ZFP2: variants seen among roughly 807,000 people sequenced by gnomAD.
ZFP2 encodes zinc finger protein ZFP2.
Under a neutral mutation model 36.1 loss-of-function variants are expected in ZFP2, and 33 were observed. That is an observed-to-expected ratio of 0.92 (90% CI 0.69 to 1.22). The LOEUF is 1.22. ZFP2 is among the 50% of genes most tolerant of loss of function. The pLI, the probability that ZFP2 is intolerant of heterozygous loss-of-function variation, is 0.00. For synonymous variants in ZFP2, 170 were observed against 178.0 expected (o/e 0.96, Z 0.36); for missense variants, 522 against 551.4 (o/e 0.95, Z 0.53).
intron 4 of ZFP2, among the ~76,000 whole-genome samples, chr5:178,920,501 G>A (rs1581838722): frequency 1.3e-5 from 2 of 152,208 alleles, no homozygotes; most frequent in East Asian, 3.9e-4. Flanking sequence ...GCCGGGCATG[G>A]TGGCGTGTAC....
Position 178,915,320 on chromosome 5 carries a change from TTC to T in ZFP2, c.-223-1243_-223-1242del, listed in dbSNP as rs1319765698. Reference sequence around the variant, plus strand: ...TGGGTTAGAACCTAAAGGTTTTTCTTTCTTTTTTTTTTTTTTTTTTTTTTTGA... The same window carrying T: ...TGGGTTAGAACCTAAAGGTTTTTCTTTTTTTTTTTTTTTTTTTTTTTTTGA... On this transcript the variant is annotated intron_variant, in intron 3 of 4. Transcript: ENST00000361362. Among the ~76,000 whole-genome samples the T allele has an allele frequency of 6.7e-3, 736 of 109,830 alleles. 37 individuals are homozygous for T. The highest frequency in any genetic ancestry group is 0.044 in the East Asian group (158 of 3,570). The allele number at this position is 109,830 out of a possible 152,430, so 72.1% of individuals were successfully genotyped here.
Position 178,922,197 on chromosome 5 carries a change from G to T in ZFP2, c.-78+5487G>T, listed in dbSNP as rs895145974. The T allele has an allele frequency of 1.1e-5, 12 of 1,108,706 alleles. No homozygotes were observed. The East Asian group carries it at 2.6e-4, about 24-fold the overall frequency. 68.7% of individuals were successfully genotyped at this position (1,108,706 alleles called of 1,614,324 possible). On this transcript the variant is annotated intron_variant, in intron 4 of 4. Coordinates refer to ENST00000361362, the MANE Select transcript of ZFP2 (RefSeq NM_030613.4). ...TTGGAAACACACTTGACATGGTTGT[G>T]CGTCTGTTCTGGTTTTGTAACTGCT... is the stretch of plus-strand genomic sequence containing the variant.
intron 1 of ZFP2, among the ~76,000 whole-genome samples, chr5:178,899,311 A>C (rs950419570): frequency 1.3e-5 from 2 of 152,204 alleles, no homozygotes; most frequent in Admixed American, 6.5e-5. Context: ...CACCTGGCTG[A>C]TTTCATTTAA....
intron 4 of ZFP2, among the ~76,000 whole-genome samples, chr5:178,923,494 A>G (rs1362073201): frequency 2.0e-5 from 3 of 149,698 alleles, no homozygotes; most frequent in Admixed American, 6.7e-5. Flanking sequence ...TACCCAAACT[A>G]ACTTCCCCAT....
At position 178,932,004 on chromosome 5, in the gene ZFP2, G is replaced by T. The variant is rs1335206911; in HGVS notation, c.691G>T (p.Val231Phe). The change falls in exon 5 of 5, where the codon GTT (valine) becomes TTT (phenylalanine). Residue 231 changes from valine to phenylalanine, a missense_variant. Transcript: ENST00000361362. The stretch of plus-strand genomic sequence containing the variant: ...TTTTACCCAAAGCATGAATTTGACA[G>T]TTCATCAGAGAACTCATACAGGAGA... ...KAFTQSMNLT[V>F]HQRTHTGEKP... 3 of 1,613,808 alleles carry T rather than the reference G, an allele frequency of 1.9e-6. No homozygotes were observed. The South Asian group carries it at 3.3e-5, about 18-fold the overall frequency.
chr5:178,914,744 A>G (rs1414407179), intron 3 of ZFP2, among the ~76,000 whole-genome samples: 1 of 152,162 alleles, frequency 6.6e-6, no homozygotes, highest in Non-Finnish European at 1.5e-5. Context: ...AAAATAAAGC[A>G]GCATAAGAGA....
At chr5:178,896,917 G>A (rs1486605321) in intron 1 of ZFP2, among the ~76,000 whole-genome samples, 1 of 152,118 alleles carries the variant, frequency 6.6e-6, no homozygotes, top group Non-Finnish European at 1.5e-5. Flanking sequence ...ATTGGAATAT[G>A]TTGACACCAT....
At chr5:178,909,655 T>A (rs561413938) in intron 1 of ZFP2, 1 of 1,441,426 alleles carries the variant, frequency 6.9e-7, no homozygotes, top group Admixed American at 2.5e-5. Context: ...AATTCCTCAG[T>A]TGGCTGCAGG....
At chr5:178,899,089 T>C (rs545859104) in intron 1 of ZFP2, among the ~76,000 whole-genome samples, 3 of 151,506 alleles carry the variant, frequency 2.0e-5, no homozygotes, top group African/African-American at 4.8e-5. Context: ...GAGAAGTAGG[T>C]AGTGTTTGCC....
intron 1 of ZFP2, chr5:178,910,046 G>A (rs1189047381): frequency 6.8e-7 from 1 of 1,463,928 alleles, no homozygotes; most frequent in South Asian, 1.1e-5. Context: ...CTTCTTCAGA[G>A]TCCAGGCCAA....
At chr5:178,901,996 G>A (rs563435320) in intron 1 of ZFP2, among the ~76,000 whole-genome samples, 91 of 152,122 alleles carry the variant, frequency 6.0e-4, no homozygotes, top group Non-Finnish European at 1.2e-3. Context: ...TGAACCGGGC[G>A]TGGTGGCACA....
chr5:178,914,343 G>A (rs1758372876), intron 3 of ZFP2, among the ~76,000 whole-genome samples: 1 of 152,084 alleles, frequency 6.6e-6, no homozygotes, highest in African/African-American at 2.4e-5. Flanking sequence ...TGGGATTCTG[G>A]GAGAGGAATC....
Position 178,916,608 on chromosome 5 carries a change from T to A in ZFP2, c.-180T>A. 1.0e-6 allele frequency: 1 copy of A among 981,334 alleles called. No individual in the cohort carries two copies. The highest frequency in any genetic ancestry group is 1.2e-6 in the Non-Finnish European group (1 of 828,892). The allele number at this position is 981,334 out of a possible 1,614,324, so 60.8% of individuals were successfully genotyped here. A position where few individuals can be genotyped will look rare whatever the true frequency, so the allele number is the denominator to read the frequency against. ...GTCAGATTAATCTGACATTTAGTCC[T>A]CTCATTATCCTGTCCCAGTCAAGGG... is the stretch of plus-strand genomic sequence containing the variant. On this transcript the variant is annotated 5_prime_UTR_variant, in exon 4 of 5. Coordinates refer to ENST00000361362, the MANE Select transcript of ZFP2 (RefSeq NM_030613.4).
At chr5:178,919,807 CA>C (rs1347205169) in intron 4 of ZFP2, among the ~76,000 whole-genome samples, 2 of 151,930 alleles carry the variant, frequency 1.3e-5, no homozygotes, top group Non-Finnish European at 2.9e-5. Flanking sequence ...GCAAAAAATA[CA>C]AAACTACCTG....
chr5:178,902,821 C>T (rs1758087243), intron 1 of ZFP2, among the ~76,000 whole-genome samples: 1 of 152,136 alleles, frequency 6.6e-6, no homozygotes, highest in South Asian at 2.1e-4. Context: ...ATTTTTAATC[C>T]AGTTGATAAC....
At chr5:178,923,781 C>T (rs1337327488) in intron 4 of ZFP2, among the ~76,000 whole-genome samples, 1 of 148,232 alleles carries the variant, frequency 6.7e-6, no homozygotes, top group African/African-American at 2.4e-5. Context: ...GCATCAACTC[C>T]TCAGAACTAA....
At chr5:178,901,111 T>C (rs545734157) in intron 1 of ZFP2, among the ~76,000 whole-genome samples, 1 of 152,244 alleles carries the variant, frequency 6.6e-6, no homozygotes, top group Non-Finnish European at 1.5e-5. Flanking sequence ...TTAGCTATTA[T>C]GAATAAAACT....
chr5:178,925,383 G>A lies in ZFP2; in HGVS notation c.-77-5854G>A, dbSNP rs552741106. ...ATCATGAATTCTCACACTGTTGCAAGGTGGAGTTACTAGTGGAGTTACTAA... is the reference window on the plus strand; with the variant it reads ...ATCATGAATTCTCACACTGTTGCAAAGTGGAGTTACTAGTGGAGTTACTAA... On this transcript the variant is annotated intron_variant, in intron 4 of 4. Coordinates refer to ENST00000361362, the MANE Select transcript of ZFP2 (RefSeq NM_030613.4). Among the ~76,000 whole-genome samples the A allele has an allele frequency of 6.9e-4, 102 of 148,352 alleles. 3 individuals are homozygous for A. Among genetic ancestry groups the A allele is most frequent in the Middle Eastern group, 6.8e-3 (2 of 292 alleles).
At chr5:178,907,621 GATAA>G (rs10687726) in intron 1 of ZFP2, among the ~76,000 whole-genome samples, 56 of 150,184 alleles carry the variant, frequency 3.7e-4, no homozygotes, top group African/African-American at 1.3e-3. Flanking sequence ...TATTCAAAGA[GATAA>G]ATAAATAAAT....
Sources: gnomAD v4.1 joint callset for allele counts (sites outside exome capture counted in the v4.1 genomes callset) on GRCh38, gnomAD v4.1.1 for gene constraint, MANE v1.5 for transcripts, NCBI Gene and HGNC (gene_info 2026-07-23, HGNC 2026-07-21) for gene names.